Variants in IL1RAPL2 observed in about 807,000 individuals in gnomAD.
IL1RAPL2 encodes the protein X-linked interleukin-1 receptor accessory protein-like 2.
In IL1RAPL2, 3 loss-of-function variants were observed where a neutral mutation model predicts 44.1. The observed-to-expected ratio is 0.07, with a 90% CI of 0.03 to 0.18. The LOEUF is 0.18. Ranked by LOEUF, IL1RAPL2 falls within the 10% of genes least tolerant of loss-of-function variation. The probability of loss-of-function intolerance (pLI) is 1.00; values close to 1 mark genes in which losing one functional copy is unlikely to be tolerated. For missense variants in IL1RAPL2, 391 were observed against 496.4 expected, an observed-to-expected ratio of 0.79 and a Z score of 2.02; for synonymous variants, 181 against 178.8, an observed-to-expected ratio of 1.01 and a Z score of -0.10.
chrX:104,737,947 A>G (rs1408255329), intron 2 of IL1RAPL2, among the ~76,000 whole-genome samples: 2 of 112,114 alleles, frequency 1.8e-5, no homozygotes, highest in East Asian at 2.8e-4. Context: ...ACTGTCACAT[A>G]AAGCACTATT....
intron 5 of IL1RAPL2, among the ~76,000 whole-genome samples, chrX:105,465,358 C>A (rs2036120679): frequency 8.9e-6 from 1 of 111,933 alleles, no homozygotes. Flanking sequence ...AACTTAGTAT[C>A]AAGAATCTCT....
chrX:105,764,424 T>C (rs1378488676), intron 10 of IL1RAPL2, among the ~76,000 whole-genome samples: 1 of 112,078 alleles, frequency 8.9e-6, no homozygotes, highest in Non-Finnish European at 1.9e-5. Context: ...GACATCCCAG[T>C]CAAATGAATT....
chrX:104,747,399 A>G (rs1932191910), intron 2 of IL1RAPL2, among the ~76,000 whole-genome samples: 1 of 111,252 alleles, frequency 9.0e-6, no homozygotes, highest in South Asian at 3.8e-4. Flanking sequence ...TCTGCCAACC[A>G]GAACATATTT....
chrX:105,708,279 TA>T, intron 6 of IL1RAPL2, among the ~76,000 whole-genome samples: 1 of 111,621 alleles, frequency 9.0e-6, no homozygotes, highest in Middle Eastern at 4.6e-3. Context: ...TACAGACACA[TA>T]TTATTCATTT....
chrX:105,076,112 C>T (rs1175590246), intron 2 of IL1RAPL2, among the ~76,000 whole-genome samples: 1 of 111,405 alleles, frequency 9.0e-6, no homozygotes, highest in East Asian at 2.8e-4. Context: ...TCTTGCTTCT[C>T]TAGTTCTTTT....
chrX:105,039,483 T>C (rs1188291388), intron 2 of IL1RAPL2, among the ~76,000 whole-genome samples: 1 of 111,886 alleles, frequency 8.9e-6, no homozygotes, highest in Non-Finnish European at 1.9e-5. Flanking sequence ...AACATACCTA[T>C]AAATAGGTTC....
At position 104,658,248 on chromosome X, in the gene IL1RAPL2, T is replaced by A. The variant is rs188653061; in HGVS notation, c.-19-647T>A. Among the ~76,000 whole-genome samples the A allele has an allele frequency of 1.3e-3, 148 of 112,434 alleles. 1 individual carries two copies. In the East Asian group the frequency reaches 0.036, roughly 28 times the overall value. On this transcript the variant is annotated intron_variant, in intron 1 of 10. Transcript: ENST00000372582. Reference sequence around the variant, plus strand: ...TGTCAATGATAGGCTGGATTAAGAATATTTGGCACATATACACCATGGAAT... The same window carrying A: ...TGTCAATGATAGGCTGGATTAAGAAAATTTGGCACATATACACCATGGAAT...
intron 2 of IL1RAPL2, among the ~76,000 whole-genome samples, chrX:105,137,026 T>G (rs1379661567): frequency 9.0e-6 from 1 of 111,622 alleles, no homozygotes; most frequent in African/African-American, 3.3e-5. Flanking sequence ...GAATGTGGTA[T>G]CTGAGTCATT....
chrX:104,650,563 T>G (rs777698325), intron 1 of IL1RAPL2, among the ~76,000 whole-genome samples: 2 of 111,086 alleles, frequency 1.8e-5, no homozygotes, highest in East Asian at 5.7e-4. Flanking sequence ...GCCTTTCTCT[T>G]TGACTATTTG....
chrX:105,037,038 T>C (rs931799584), intron 2 of IL1RAPL2, among the ~76,000 whole-genome samples: 2 of 112,076 alleles, frequency 1.8e-5, no homozygotes, highest in Admixed American at 1.9e-4. Context: ...CATTCTTCTG[T>C]GGATATTAAC....
chrX:104,947,505 G>C (rs1428301679), intron 2 of IL1RAPL2, among the ~76,000 whole-genome samples: 2 of 103,006 alleles, frequency 1.9e-5, no homozygotes, highest in Non-Finnish European at 2.0e-5. Context: ...CCTATGTCCT[G>C]AATGGTAATG....
chrX:105,625,151 G>A (rs1602493454), intron 6 of IL1RAPL2, among the ~76,000 whole-genome samples: 1 of 111,815 alleles, frequency 8.9e-6, no homozygotes, highest in Non-Finnish European at 1.9e-5. Context: ...AGGAGCCTTA[G>A]AAAACTATTT....
intron 2 of IL1RAPL2, among the ~76,000 whole-genome samples, chrX:105,116,887 G>T (rs761335395): frequency 3.0e-4 from 33 of 111,690 alleles, no homozygotes; most frequent in Non-Finnish European, 6.0e-4. Flanking sequence ...AATTGTATTT[G>T]GTAGGATAAT....
intron 2 of IL1RAPL2, among the ~76,000 whole-genome samples, chrX:105,090,950 G>T (rs1448954821): frequency 1.8e-5 from 2 of 111,711 alleles, no homozygotes; most frequent in Non-Finnish European, 3.8e-5. Context: ...TCAGGATCCA[G>T]CTGGCCCTAG....
At chrX:104,713,309 TC>T (rs1931494283) in intron 2 of IL1RAPL2, among the ~76,000 whole-genome samples, 1 of 110,495 alleles carries the variant, frequency 9.1e-6, no homozygotes, top group East Asian at 2.9e-4. Flanking sequence ...TTTCTCCACT[TC>T]CTCCTCCCCT....
chrX:105,625,639 A>G (rs1340438955), intron 6 of IL1RAPL2, among the ~76,000 whole-genome samples: 1 of 111,427 alleles, frequency 9.0e-6, no homozygotes, highest in African/African-American at 3.3e-5. Context: ...ACTCTGTGCT[A>G]GGGCTTGTGA....
chrX:105,690,335 A>T (rs1166295406), intron 6 of IL1RAPL2, among the ~76,000 whole-genome samples: 2 of 111,869 alleles, frequency 1.8e-5, no homozygotes, highest in Non-Finnish European at 3.8e-5. Flanking sequence ...AAACATAATT[A>T]CTGGTTAAAT....
chrX:105,042,721 T>C (rs1237102881), intron 2 of IL1RAPL2, among the ~76,000 whole-genome samples: 1 of 104,168 alleles, frequency 9.6e-6, no homozygotes, highest in Non-Finnish European at 2.0e-5. Flanking sequence ...AGCCATCCCA[T>C]TACTGGGTAT....
chrX:105,657,393 A>G (rs1021637987), intron 6 of IL1RAPL2, among the ~76,000 whole-genome samples: 5 of 112,062 alleles, frequency 4.5e-5, no homozygotes, highest in African/African-American at 1.6e-4. Context: ...TAATTTTCAT[A>G]ACATTATTTC....
Sources: allele counts gnomAD v4.1 joint callset (sites outside exome capture counted in the v4.1 genomes callset), GRCh38; gene constraint gnomAD v4.1.1; transcripts MANE v1.5; gene names NCBI Gene and HGNC (gene_info 2026-07-23, HGNC 2026-07-21).